Variants in EFCAB8 observed in about 807,000 individuals in gnomAD.
EFCAB8 encodes the protein EF-hand calcium binding domain 8, also known as EF-hand calcium-binding domain-containing protein 8.
EFCAB8 carries 100 observed loss-of-function variants against 116.3 expected under a neutral mutation model. The observed-to-expected ratio is 0.86, with a 90% CI of 0.73 to 1.02. The LOEUF is 1.02. EFCAB8 is among the 50% of genes least tolerant of loss of function. EFCAB8 has a pLI of 0.00. For missense variants in EFCAB8, 1,320 were observed against 1,416.9 expected (o/e 0.93, Z 1.10); for synonymous variants, 558 against 567.9 (o/e 0.98, Z 0.25).
intron 11 of EFCAB8, among the ~76,000 whole-genome samples, chr20:32,900,954 G>A (rs539274814): frequency 3.3e-5 from 5 of 152,276 alleles, no homozygotes; most frequent in African/African-American, 7.2e-5. Flanking sequence ...CGCCCACCTC[G>A]GCCTCCCAAA....
At position 32,896,499 on chromosome 20, in the gene EFCAB8, C is replaced by T. The variant is rs368538403; in HGVS notation, c.929C>T (p.Ser310Phe). Reference sequence around the variant, plus strand: ...TTGCAGAAACTCTTAAATGAGAAGTCTGCTTTGCATAGAAGCTACCGGCTG... The same window carrying T: ...TTGCAGAAACTCTTAAATGAGAAGTTTGCTTTGCATAGAAGCTACCGGCTG... ...VSLQKLLNEKSALHRSYRLKA... is the reference protein window; with the variant it reads ...VSLQKLLNEKFALHRSYRLKA... The change falls in exon 10 of 27, where the codon TCT (serine) becomes TTT (phenylalanine). Residue 310 changes from serine (S) to phenylalanine (F), a missense_variant. Ser to Phe is a radical substitution (Grantham distance 155). Transcript: ENST00000400522. The T allele has an allele frequency of 8.3e-6, 6 of 718,928 alleles. No homozygotes were observed. The highest frequency in any genetic ancestry group is 1.3e-5 in the Non-Finnish European group (5 of 385,192). 44.5% of individuals were successfully genotyped at this position (718,928 alleles called of 1,614,324 possible).
At chr20:32,902,100 C>T (rs1986456607) in intron 11 of EFCAB8, among the ~76,000 whole-genome samples, 1 of 152,186 alleles carries the variant, frequency 6.6e-6, no homozygotes, top group South Asian at 2.1e-4. Context: ...AGCTAGTCCA[C>T]GTTAATATTT....
At chr20:32,921,180 G>A (rs1987432254) in intron 20 of EFCAB8, among the ~76,000 whole-genome samples, 1 of 133,768 alleles carries the variant, frequency 7.5e-6, no homozygotes. Context: ...CTCTCCTCCA[G>A]GTTCTGATTA....
chr20:32,901,956 G>C (rs887158493), intron 11 of EFCAB8, among the ~76,000 whole-genome samples: 2 of 152,148 alleles, frequency 1.3e-5, no homozygotes, highest in African/African-American at 2.4e-5. Context: ...AAAGTGCTGG[G>C]ATTACAGGCG....
intron 2 of EFCAB8, 68 bp from the exon 3 acceptor site, chr20:32,867,514 T>G (rs1321609096): frequency 6.7e-7 from 1 of 1,487,030 alleles, no homozygotes; most frequent in East Asian, 2.5e-5. Flanking sequence ...CTTTAAATCA[T>G]GTGCTGAAAA....
intron 5 of EFCAB8, among the ~76,000 whole-genome samples, chr20:32,884,536 C>T (rs543182777): frequency 2.0e-5 from 3 of 152,304 alleles, no homozygotes; most frequent in African/African-American, 4.8e-5. Context: ...TGTCCAGACA[C>T]GTTTCCCTTG....
chr20:32,882,343 G>C (rs535091356), intron 5 of EFCAB8, among the ~76,000 whole-genome samples: 1 of 152,236 alleles, frequency 6.6e-6, no homozygotes, highest in East Asian at 1.9e-4. Context: ...TTTCCTCGTT[G>C]GTCACTTGAT....
chr20:32,861,624 TGTG>T (rs1423017112), intron 1 of EFCAB8, among the ~76,000 whole-genome samples: 1 of 152,124 alleles, frequency 6.6e-6, no homozygotes, highest in African/African-American at 2.4e-5. Context: ...ATGAGCCTGG[TGTG>T]GTGGCATGTG....
chr20:32,937,118 A>G (rs955233230), intron 22 of EFCAB8, among the ~76,000 whole-genome samples: 2 of 151,852 alleles, frequency 1.3e-5, no homozygotes, highest in Non-Finnish European at 2.9e-5. Context: ...AAAATTAAGC[A>G]TTTTATTTTA....
intron 3 of EFCAB8, among the ~76,000 whole-genome samples, chr20:32,869,191 G>C (rs745418154): frequency 1.2e-4 from 19 of 152,100 alleles, no homozygotes; most frequent in South Asian, 2.1e-4. Context: ...TGTTTGCAAG[G>C]CTCAAGCCAA....
intron 2 of EFCAB8, among the ~76,000 whole-genome samples, chr20:32,865,906 C>T (rs1368710664): frequency 6.6e-6 from 1 of 151,876 alleles, no homozygotes; most frequent in East Asian, 1.9e-4. Context: ...TGTACTTGTC[C>T]CAGCAAAAGA....
intron 1 of EFCAB8, among the ~76,000 whole-genome samples, chr20:32,860,493 CT>C (rs71190881): frequency 0.012 from 1,038 of 83,716 alleles, no homozygotes; most frequent in African/African-American, 0.039. Flanking sequence ...ATGGTGGTAA[CT>C]TTTTTTTTTT....
chr20:32,904,076 C>T (rs1360658929), intron 11 of EFCAB8, among the ~76,000 whole-genome samples: 1 of 151,550 alleles, frequency 6.6e-6, no homozygotes, highest in African/African-American at 2.4e-5. Context: ...CTCACTGTAA[C>T]CTCAAACTCC....
chr20:32,937,707 C>G (rs1490351447), intron 22 of EFCAB8, among the ~76,000 whole-genome samples: 1 of 130,918 alleles, frequency 7.6e-6, no homozygotes, highest in Non-Finnish European at 1.7e-5. Context: ...CAACCTCTGC[C>G]TCCGGGGTTC....
At chr20:32,913,905 A>T (rs149212468) in intron 17 of EFCAB8, among the ~76,000 whole-genome samples, 1 of 152,174 alleles carries the variant, frequency 6.6e-6, no homozygotes, top group East Asian at 1.9e-4. Context: ...TGGGGTGGCA[A>T]TTCTGCCCCT....
chr20:32,867,470 C>A, intron 2 of EFCAB8, 112 bp from the exon 3 acceptor site: 1 of 1,178,676 alleles, frequency 8.5e-7, no homozygotes, highest in Non-Finnish European at 1.2e-6. Flanking sequence ...GACATCATAA[C>A]ACTACTTACC....
intron 1 of EFCAB8, among the ~76,000 whole-genome samples, chr20:32,859,539 A>G (rs1455684859): frequency 1.3e-5 from 2 of 152,120 alleles, no homozygotes; most frequent in Non-Finnish European, 2.9e-5. Flanking sequence ...CATACATAGA[A>G]CCACTTTCTC....
At position 32,906,626 on chromosome 20, in the gene EFCAB8, C is replaced by T. The variant is rs1464480939; in HGVS notation, c.1153C>T (p.Leu385=). 6 of 718,188 alleles carry T rather than the reference C, an allele frequency of 8.4e-6. No homozygotes were observed. Among genetic ancestry groups the T allele is most frequent in the Non-Finnish European group, 1.3e-5 (5 of 385,088 alleles). The allele number at this position is 718,188 out of a possible 1,614,324, so 44.5% of individuals were successfully genotyped here. Residue 385 remains leucine (L), a synonymous_variant, in exon 12 of 27, where the codon CTG becomes TTG. Coordinates refer to ENST00000400522, the MANE Select transcript of EFCAB8 (RefSeq NM_001143967.2). The stretch of plus-strand genomic sequence containing the variant: ...TGATTACTGCCCAGACAGGAACTTC[C>T]TGGGTAAGTCACCTTCATGTCACCC... ...CFDYCPDRNF[L]VTGGYDAFIR...
intron 20 of EFCAB8, among the ~76,000 whole-genome samples, chr20:32,928,748 G>A (rs1987771164): frequency 6.6e-6 from 1 of 152,022 alleles, no homozygotes; most frequent in Non-Finnish European, 1.5e-5. Flanking sequence ...GTACTCTGTT[G>A]AATAAAAGTG....
Sources: gnomAD v4.1 joint callset for allele counts (sites outside exome capture counted in the v4.1 genomes callset) on GRCh38, gnomAD v4.1.1 for gene constraint, MANE v1.5 for transcripts, NCBI Gene and HGNC (gene_info 2026-07-23, HGNC 2026-07-21) for gene names.